FAM20A: variants seen among roughly 807,000 people sequenced by gnomAD.
FAM20A encodes pseudokinase FAM20A.
Under a neutral mutation model 52.0 loss-of-function variants are expected in FAM20A, and 42 were observed. The observed-to-expected ratio is 0.81, with a 90% CI of 0.63 to 1.04. FAM20A has a LOEUF of 1.04. Among genes scored for constraint, FAM20A ranks in the 50% least tolerant of loss-of-function variants. The pLI, the probability that FAM20A is intolerant of heterozygous loss-of-function variation, is 0.00. For synonymous variants in FAM20A, 304 were observed against 298.9 expected, an observed-to-expected ratio of 1.02 and a Z score of -0.18; for missense variants, 742 against 712.7, an observed-to-expected ratio of 1.04 and a Z score of -0.47.
At chr17:68,558,677 C>A (rs1173450562) in intron 1 of FAM20A, among the ~76,000 whole-genome samples, 1 of 152,180 alleles carries the variant, frequency 6.6e-6, no homozygotes, top group Non-Finnish European at 1.5e-5. Context: ...CCAATTACAT[C>A]TTTTTTTAAA....
chr17:68,564,825 T>C (rs1393192180), intron 1 of FAM20A, among the ~76,000 whole-genome samples: 1 of 152,092 alleles, frequency 6.6e-6, no homozygotes, highest in East Asian at 1.9e-4. Flanking sequence ...AGGGTGCCAA[T>C]CTGCACCCTG....
At chr17:68,539,285 T>C in intron 10 of FAM20A, 52 bp downstream of exon 10, 1 of 1,592,798 alleles carries the variant, frequency 6.3e-7, no homozygotes. Context: ...GCAAGCAGCA[T>C]GAAGGGTCAC....
intron 1 of FAM20A, among the ~76,000 whole-genome samples, chr17:68,577,795 T>C (rs1301670447): frequency 2.0e-5 from 3 of 152,194 alleles, no homozygotes; most frequent in Non-Finnish European, 4.4e-5. Context: ...TTAAAAATGT[T>C]ACTTAATTGT....
At chr17:68,568,068 C>T (rs1372279028) in intron 1 of FAM20A, among the ~76,000 whole-genome samples, 1 of 151,944 alleles carries the variant, frequency 6.6e-6, no homozygotes, top group East Asian at 1.9e-4. Context: ...CATACTCTTA[C>T]TCTGGTCAGT....
At chr17:68,598,694 T>G (rs1598090320) in intron 1 of FAM20A, among the ~76,000 whole-genome samples, 1 of 152,198 alleles carries the variant, frequency 6.6e-6, no homozygotes, top group Non-Finnish European at 1.5e-5. Flanking sequence ...GTGAGAAAGA[T>G]TTTTGCTTTT....
At position 68,537,446 on chromosome 17, in the gene FAM20A, C is replaced by T. The variant is rs764878596; in HGVS notation, c.*31G>A. On this transcript the variant is annotated 3_prime_UTR_variant, in exon 11 of 11. Coordinates refer to ENST00000592554, the MANE Select transcript of FAM20A (RefSeq NM_017565.4). The surrounding 1 kb of genome is among the most constrained non-coding windows in gnomAD (Gnocchi z 4.2). Reference sequence around the variant, plus strand: ...TCGAGTCGACTGCTCTGGCTCCAGGCGTATTTTCTGAAACTGGACTCTGCC... The same window carrying T: ...TCGAGTCGACTGCTCTGGCTCCAGGTGTATTTTCTGAAACTGGACTCTGCC... 3.7e-6 allele frequency: 6 copies of T among 1,613,766 alleles called. No homozygotes were observed. Among genetic ancestry groups the T allele is most frequent in the Middle Eastern group, 1.7e-4 (1 of 5,988 alleles).
In FAM20A at chr17:68,535,532, C is replaced by T. The variant is rs181295794; in HGVS notation, c.*1945G>A. On this transcript the variant is annotated 3_prime_UTR_variant, in exon 11 of 11. Coordinates refer to ENST00000592554, the MANE Select transcript of FAM20A (RefSeq NM_017565.4). Reference sequence around the variant, plus strand: ...TTCTGTGTGTGATCTCCTGGTTCTTCATCCACAGGGAAGAAACATCTTGAA... The same window carrying T: ...TTCTGTGTGTGATCTCCTGGTTCTTTATCCACAGGGAAGAAACATCTTGAA... 1.4e-4 allele frequency: 62 copies of T among 454,036 alleles called. No homozygotes were observed. In the East Asian group the frequency reaches 3.4e-3, roughly 25 times the overall value. 28.1% of individuals were successfully genotyped at this position (454,036 alleles called of 1,614,324 possible).
intron 1 of FAM20A, among the ~76,000 whole-genome samples, chr17:68,561,976 A>G (rs563976894): frequency 6.6e-6 from 1 of 152,186 alleles, no homozygotes; most frequent in African/African-American, 2.4e-5. Flanking sequence ...GGCGCATGCC[A>G]CCACACCTGG....
At chr17:68,554,244 C>T (rs899022660) in intron 3 of FAM20A, among the ~76,000 whole-genome samples, 1 of 152,036 alleles carries the variant, frequency 6.6e-6, no homozygotes, top group Non-Finnish European at 1.5e-5. Flanking sequence ...GAATCTCTTG[C>T]CTCAGCCTCC....
At chr17:68,554,105 T>TAC in intron 3 of FAM20A, among the ~76,000 whole-genome samples, 2 of 145,934 alleles carry the variant, frequency 1.4e-5, no homozygotes, top group African/African-American at 5.3e-5. Context: ...CACATATATA[T>TAC]ACACATATAT....
chr17:68,543,705 CCT>C lies in FAM20A; in HGVS notation c.734_735del (p.Glu245GlyfsTer11), dbSNP rs756165050. On this transcript the variant is annotated frameshift_variant, in exon 5 of 11. Transcript: ENST00000592554. LOFTEE classifies it high-confidence loss of function. ...AAGTAGAAGAAGTCCACTGGTGTCT[CCT>C]CATCTCGCTGCTGTCTGGAAGGAAG... ...MFKPMRQQRD[E>X]ETPVDFFYFI... is the part of the protein sequence containing the mutation. 3 of 1,613,986 alleles carry C rather than the reference CCT, an allele frequency of 1.9e-6. No homozygotes were observed. In the East Asian group the frequency reaches 6.7e-5, roughly 36 times the overall value.
intron 7 of FAM20A, 105 bp downstream of exon 7, chr17:68,541,880 T>C (rs1344363650): frequency 4.4e-6 from 6 of 1,363,498 alleles, no homozygotes; most frequent in Non-Finnish European, 6.1e-6. Flanking sequence ...AAAGGAGTAT[T>C]GAGGCAGCTT....
At chr17:68,565,383 CTTTTTTTT>C (rs796800181) in intron 1 of FAM20A, among the ~76,000 whole-genome samples, 28 of 103,794 alleles carry the variant, frequency 2.7e-4, no homozygotes, top group African/African-American at 1.2e-3. Context: ...CCATTACCTC[CTTTTTTTT>C]TTTTTTTTTT....
chr17:68,600,626 A>G lies in FAM20A; in HGVS notation c.41T>C (p.Leu14Pro). 6.4e-7 allele frequency: 1 copy of G among 1,562,216 alleles called. No individual in the cohort carries two copies. ...LRRDRLLTLL[L>P]LGALLSADLY... ...GTCGGCGGAGAGCAGCGCGCCCAGC[A>G]GCAGCAGAGTCAGTAGGCGGTCCCG... The change falls in exon 1 of 11, where the codon CTG becomes CCG. Residue 14 changes from leucine to proline, a missense_variant. Physicochemically the swap from Leu to Pro is moderately conservative, Grantham distance 98. Transcript: ENST00000592554. The surrounding 1 kb of genome is among the most constrained non-coding windows in gnomAD (Gnocchi z 6.2).
In FAM20A at chr17:68,537,570, C is replaced by A; in HGVS notation, c.1533G>T (p.Gly511=). Residue 511 remains glycine (G), a synonymous_variant, in exon 11 of 11, where the codon GGG becomes GGT. Coordinates refer to ENST00000592554, the MANE Select transcript of FAM20A (RefSeq NM_017565.4). The surrounding 1 kb of genome is among the most constrained non-coding windows in gnomAD (Gnocchi z 4.2). The stretch of plus-strand genomic sequence containing the variant: ...TCTGCTGTCCATGGGCCACTATGCA[C>A]CCCTCCACTGTCCTTAGGATGGTTT... ...RLQTILRTVE[G]CIVAHGQQSV... 3 of 1,613,410 alleles carry A rather than the reference C, an allele frequency of 1.9e-6. No individual in the cohort carries two copies. In the South Asian group the frequency reaches 3.3e-5, roughly 18 times the overall value.
At chr17:68,546,260 CCACTT>C (rs1219314318) in intron 4 of FAM20A, among the ~76,000 whole-genome samples, 1 of 151,550 alleles carries the variant, frequency 6.6e-6, no homozygotes, top group Non-Finnish European at 1.5e-5. Flanking sequence ...TTTTCAGACT[CCACTT>C]CTAATTCTAG....
chr17:68,598,446 G>A (rs1034140066), intron 1 of FAM20A, among the ~76,000 whole-genome samples: 17 of 152,048 alleles, frequency 1.1e-4, no homozygotes, highest in Admixed American at 3.3e-4. Flanking sequence ...TAAGTGCAGC[G>A]GGTCCTCCTG....
At chr17:68,581,420 C>CTTTCTTTCTTTTTT (rs1299176126) in intron 1 of FAM20A, among the ~76,000 whole-genome samples, 2 of 47,796 alleles carry the variant, frequency 4.2e-5, no homozygotes, top group Non-Finnish European at 8.5e-5. Context: ...CTTTCTTTTT[C>CTTTCTTTCTTTTTT]TCTTTTCTTT....
chr17:68,538,861 T>C (rs1466038707), intron 10 of FAM20A, among the ~76,000 whole-genome samples: 2 of 152,156 alleles, frequency 1.3e-5, no homozygotes, highest in Non-Finnish European at 2.9e-5. Context: ...GTGGGGGAAA[T>C]TTTGATAGTT....
Sources: gnomAD v4.1 joint callset for allele counts (sites outside exome capture counted in the v4.1 genomes callset) on GRCh38, gnomAD v4.1.1 for gene constraint, Gnocchi (gnomAD v3.1) non-coding constraint, MANE v1.5 for transcripts, NCBI Gene and HGNC (gene_info 2026-07-23, HGNC 2026-07-21) for gene names.